GALM: variants seen among roughly 807,000 people sequenced by gnomAD.
GALM encodes the protein aldose 1-epimerase.
A neutral mutation model predicts 37.4 loss-of-function variants in GALM; 43 were observed. The observed-to-expected ratio is 1.15, with a 90% confidence interval of 0.90 to 1.48. The LOEUF is 1.48. Ranked by LOEUF, GALM falls within the 40% of genes most tolerant of loss-of-function variation. The pLI, the probability that GALM is intolerant of heterozygous loss-of-function variation, is 0.00. For synonymous variants in GALM, 199 were observed against 170.6 expected, an observed-to-expected ratio of 1.17 and a Z score of -1.30; for missense variants, 456 against 419.1, an observed-to-expected ratio of 1.09 and a Z score of -0.77.
chr2:38,707,924 A>G (rs914841086), intron 4 of GALM, among the ~76,000 whole-genome samples: 24 of 152,036 alleles, frequency 1.6e-4, no homozygotes, highest in African/African-American at 5.8e-4. Context: ...CCTGGCCAAA[A>G]TGGTGAAACC....
At chr2:38,731,965 G>A (rs980237761) in intron 6 of GALM, 56 bp downstream of exon 6, 12 of 1,375,750 alleles carry the variant, frequency 8.7e-6, no homozygotes, top group African/African-American at 7.2e-5. Flanking sequence ...CACACTGTAC[G>A]ACAGAGTTCA....
chr2:38,727,894 C>T (rs1253271585), intron 4 of GALM, among the ~76,000 whole-genome samples: 1 of 152,088 alleles, frequency 6.6e-6, no homozygotes, highest in Non-Finnish European at 1.5e-5. Context: ...TGGTAAGGTA[C>T]AAGTTCCTGC....
intron 4 of GALM, among the ~76,000 whole-genome samples, chr2:38,711,848 C>T (rs1199848096): frequency 3.2e-5 from 3 of 93,008 alleles, no homozygotes; most frequent in Non-Finnish European, 5.2e-5. Flanking sequence ...ACCATCATCA[C>T]CACCACCATC....
At chr2:38,716,797 T>C (rs1395036277) in intron 4 of GALM, among the ~76,000 whole-genome samples, 2 of 152,030 alleles carry the variant, frequency 1.3e-5, no homozygotes, top group East Asian at 1.9e-4. Flanking sequence ...TGAGCTGTGA[T>C]TGCACCTGTG....
intron 1 of GALM, among the ~76,000 whole-genome samples, chr2:38,671,696 T>A (rs1489435245): frequency 1.3e-5 from 2 of 152,156 alleles, no homozygotes; most frequent in Admixed American, 6.5e-5. Context: ...CTTAAATTCT[T>A]AAAAACTATT....
At chr2:38,707,788 C>G (rs1461373104) in intron 4 of GALM, among the ~76,000 whole-genome samples, 3 of 152,022 alleles carry the variant, frequency 2.0e-5, no homozygotes, top group African/African-American at 4.8e-5. Flanking sequence ...CAGGACACAG[C>G]AAGACCCCAT....
At position 38,734,098 on chromosome 2, in the gene GALM, C is replaced by T. The variant is rs1666658934; in HGVS notation, c.*533C>T. On this transcript the variant is annotated 3_prime_UTR_variant, in exon 7 of 7. Coordinates refer to ENST00000272252, the MANE Select transcript of GALM (RefSeq NM_138801.3). ...CTTACAGAGGTTGAAGACCAACAAG[C>T]TAATAAATAAAAAGTTGAGGCCGGG... is the stretch of plus-strand genomic sequence containing the variant. 1 of 162,594 alleles carries T rather than the reference C, an allele frequency of 6.2e-6. No individual in the cohort carries two copies. The highest frequency in any genetic ancestry group is 1.4e-5 in the Non-Finnish European group (1 of 73,910). The allele number at this position is 162,594 out of a possible 1,614,324, so 10.1% of individuals were successfully genotyped here. A position where few individuals can be genotyped will look rare whatever the true frequency, so the allele number is the denominator to read the frequency against.
chr2:38,694,805 G>A (rs1475508561), intron 4 of GALM, among the ~76,000 whole-genome samples: 1 of 149,470 alleles, frequency 6.7e-6, no homozygotes, highest in African/African-American at 2.5e-5. Context: ...GCTGAGGCAG[G>A]AGAATGGCGT....
chr2:38,696,770 C>A (rs1396821608), intron 4 of GALM, among the ~76,000 whole-genome samples: 1 of 148,758 alleles, frequency 6.7e-6, no homozygotes, highest in Non-Finnish European at 1.5e-5. Flanking sequence ...CCGCACCTAC[C>A]CCCAAGAAAG....
rs79666439 is a variant in GALM at position 38,704,940 on chromosome 2, C to G, written c.634+15046C>G. On this transcript the variant is annotated intron_variant, in intron 4 of 6. Transcript: ENST00000272252. The stretch of plus-strand genomic sequence containing the variant: ...TTTTTATGAGCCTCTAGAATAACTC[C>G]TGAAGCTACTCATGCTCCCTACTGG... Among the ~76,000 whole-genome samples the G allele has an allele frequency of 6.0e-3, 915 of 152,194 alleles. 6 individuals carry two copies. Among genetic ancestry groups the G allele is most frequent in the East Asian group, 0.011 (55 of 5,172 alleles).
chr2:38,678,291 T>C (rs1027245526), intron 2 of GALM, among the ~76,000 whole-genome samples: 2 of 152,164 alleles, frequency 1.3e-5, no homozygotes, highest in African/African-American at 4.8e-5. Flanking sequence ...ATTACAGGCA[T>C]GATCCATCGC....
At chr2:38,675,525 T>TG (rs1665225891) in intron 1 of GALM, among the ~76,000 whole-genome samples, 1 of 104,222 alleles carries the variant, frequency 9.6e-6, no homozygotes, top group African/African-American at 4.0e-5. Flanking sequence ...AGGGTTTTTT[T>TG]GTTTTTTTTT....
At chr2:38,686,344 C>A (rs1388344310) in intron 3 of GALM, among the ~76,000 whole-genome samples, 2 of 151,550 alleles carry the variant, frequency 1.3e-5, no homozygotes, top group Non-Finnish European at 2.9e-5. Context: ...TGGCTCACTG[C>A]AACCTCCGCC....
intron 4 of GALM, among the ~76,000 whole-genome samples, chr2:38,710,626 A>G (rs1269379152): frequency 8.5e-5 from 13 of 152,154 alleles, no homozygotes; most frequent in Non-Finnish European, 1.8e-4. Flanking sequence ...GCTGGTCTCA[A>G]ACTCCTGGGC....
At chr2:38,711,879 C>T (rs1182317380) in intron 4 of GALM, among the ~76,000 whole-genome samples, 1 of 150,802 alleles carries the variant, frequency 6.6e-6, no homozygotes, top group Non-Finnish European at 1.5e-5. Context: ...TCAACATCAT[C>T]ACTATCTTAA....
chr2:38,718,196 CTTTTTT>C (rs3059479), intron 4 of GALM, among the ~76,000 whole-genome samples: 1 of 131,284 alleles, frequency 7.6e-6, no homozygotes, highest in Admixed American at 8.1e-5. Flanking sequence ...TTTTTCTTTT[CTTTTTT>C]TTTTTTTTTC....
chr2:38,708,147 T>TAAAAA (rs1307813010), intron 4 of GALM, among the ~76,000 whole-genome samples: 1 of 120,892 alleles, frequency 8.3e-6, no homozygotes, highest in East Asian at 2.4e-4. Flanking sequence ...TAAAATAAAA[T>TAAAAA]AAAAAAGCCT....
chr2:38,705,497 A>G (rs1420531070), intron 4 of GALM, among the ~76,000 whole-genome samples: 1 of 152,208 alleles, frequency 6.6e-6, no homozygotes, highest in Non-Finnish European at 1.5e-5. Context: ...GAAGGAGTGT[A>G]GAAGCCAGGG....
At chr2:38,666,497 T>C in intron 1 of GALM, 146 bp downstream of exon 1, 2 of 606,922 alleles carry the variant, frequency 3.3e-6, no homozygotes, top group South Asian at 4.2e-5. Flanking sequence ...GCATGCATCA[T>C]AGAGGGCCGT....
Sources: gnomAD v4.1 joint callset for allele counts (sites outside exome capture counted in the v4.1 genomes callset) on GRCh38, gnomAD v4.1.1 for gene constraint, MANE v1.5 for transcripts, NCBI Gene and HGNC (gene_info 2026-07-23, HGNC 2026-07-21) for gene names.